TOGARAM1: variants seen among roughly 807,000 people sequenced by gnomAD.
TOGARAM1 encodes TOG array regulator of axonemal microtubules protein 1.
A neutral mutation model predicts 166.6 loss-of-function variants in TOGARAM1; 100 were observed. The observed-to-expected ratio is 0.60, with a 90% CI of 0.51 to 0.71. The LOEUF is 0.71. Ranked by LOEUF, TOGARAM1 falls within the 30% of genes least tolerant of loss-of-function variation. The pLI is 0.00. For synonymous variants in TOGARAM1, 758 were observed against 763.8 expected (o/e 0.99, Z 0.13); for missense variants, 2,029 against 2,102.7 (o/e 0.96, Z 0.69).
chr14:44,979,402 C>T (rs960408487), intron 1 of TOGARAM1, among the ~76,000 whole-genome samples: 26 of 152,188 alleles, frequency 1.7e-4, no homozygotes, highest in African/African-American at 6.3e-4. Flanking sequence ...AAGGGACAAA[C>T]AAGCTCCCAC....
intron 10 of TOGARAM1, among the ~76,000 whole-genome samples, chr14:45,029,924 C>T (rs1253741849): frequency 1.3e-5 from 2 of 152,212 alleles, no homozygotes; most frequent in East Asian, 1.9e-4. Context: ...TCGGTTCAAG[C>T]GATTCTTCTG....
Position 44,963,453 on chromosome 14 carries a change from C to T in TOGARAM1, c.1032C>T (p.Ser344=). The T allele has an allele frequency of 6.2e-7, 1 of 1,614,148 alleles. No homozygotes were observed. The highest frequency in any genetic ancestry group is 8.5e-7 in the Non-Finnish European group (1 of 1,180,030). ...CCTGTGCAGTGACTCTTTCCAACAG[C>T]AATCTTAAATTTGGGATTATTCCTC... ...PLPCAVTLSN[S]NLKFGIIPQE... is the part of the protein sequence containing the mutation. Residue 344 remains serine (S), a synonymous_variant, in exon 1 of 20, where the codon AGC becomes AGT. Coordinates refer to ENST00000361462, the MANE Select transcript of TOGARAM1 (RefSeq NM_001308120.2).
At chr14:44,990,096 T>A (rs1283578294) in intron 1 of TOGARAM1, among the ~76,000 whole-genome samples, 1 of 152,162 alleles carries the variant, frequency 6.6e-6, no homozygotes, top group Non-Finnish European at 1.5e-5. Flanking sequence ...ATTATGAGGA[T>A]TACAATTCAA....
chr14:45,025,930 C>T (rs1880814939), intron 8 of TOGARAM1, 58 bp downstream of exon 8: 1 of 860,592 alleles, frequency 1.2e-6, no homozygotes, highest in Non-Finnish European at 1.9e-6. Context: ...GAAGCAAAGC[C>T]TATCAATAAG....
At chr14:45,009,204 C>T in intron 6 of TOGARAM1, 59 bp downstream of exon 6, 2 of 1,232,172 alleles carry the variant, frequency 1.6e-6, no homozygotes, top group Non-Finnish European at 2.3e-6. Context: ...ATTTAGAGCC[C>T]TAATATCATA....
chr14:45,039,306 T>C (rs1282752474), intron 11 of TOGARAM1, among the ~76,000 whole-genome samples: 4 of 152,086 alleles, frequency 2.6e-5, no homozygotes, highest in African/African-American at 9.7e-5. Flanking sequence ...GATTGGTCCG[T>C]GGGCAGGCCT....
At chr14:45,003,252 T>G (rs866328062) in intron 3 of TOGARAM1, among the ~76,000 whole-genome samples, 4 of 152,130 alleles carry the variant, frequency 2.6e-5, no homozygotes, top group Non-Finnish European at 4.4e-5. Context: ...AATGTTTGCT[T>G]TATTAATATA....
Position 45,012,053 on chromosome 14 carries a change from T to C in TOGARAM1, c.3216T>C (p.Ile1072=). The change falls in exon 7 of 20, where the codon ATT becomes ATC. Residue 1072 remains isoleucine (I), a synonymous_variant. Coordinates refer to ENST00000361462, the MANE Select transcript of TOGARAM1 (RefSeq NM_001308120.2). ...CTGCAAAGAAAAAAATTTCTCATAT[T>C]GCTGAACAAAGCCCCAGTGCAGGTA... is the stretch of plus-strand genomic sequence containing the variant. The part of the protein sequence containing the change: ...LSSAKKKISH[I]AEQSPSAGSS... 1 of 1,609,932 alleles carries C rather than the reference T, an allele frequency of 6.2e-7. No individual in the cohort carries two copies. The highest frequency in any genetic ancestry group is 8.5e-7 in the Non-Finnish European group (1 of 1,178,274).
chr14:45,000,801 A>G (rs1384703416), intron 3 of TOGARAM1, among the ~76,000 whole-genome samples: 10 of 152,026 alleles, frequency 6.6e-5, no homozygotes, highest in East Asian at 3.9e-4. Context: ...CTGGAGTGCA[A>G]TGGCTCACTG....
rs1312443400 is a variant in TOGARAM1 at position 44,998,574 on chromosome 14, A to G, written c.2204-789A>G. Among the ~76,000 whole-genome samples the G allele has an allele frequency of 2.0e-5, 3 of 152,230 alleles. No homozygotes were observed. In the East Asian group the frequency reaches 5.8e-4, roughly 29 times the overall value. On this transcript the variant is annotated intron_variant, in intron 2 of 19. Coordinates refer to ENST00000361462, the MANE Select transcript of TOGARAM1 (RefSeq NM_001308120.2). ...CTGAGCTCAGGGAGGTCGAGGCTGC[A>G]GTGAGCCAAGTTTGCGCCACCGCAT...
At position 44,984,698 on chromosome 14, in the gene TOGARAM1, C is replaced by T. The variant is rs142879502; in HGVS notation, c.2047-11048C>T. On this transcript the variant is annotated intron_variant, in intron 1 of 19. Coordinates refer to ENST00000361462, the MANE Select transcript of TOGARAM1 (RefSeq NM_001308120.2). ...GCTGACGTAGAAGGATCGATAGAGC[C>T]CAGGAGTTCAGGTGTGCAGTGAGCT... Among the ~76,000 whole-genome samples the T allele has an allele frequency of 6.8e-3, 1,036 of 151,656 alleles. 10 individuals are homozygous for T. Among genetic ancestry groups the T allele is most frequent in the African/African-American group, 0.023 (961 of 41,382 alleles).
Position 45,027,342 on chromosome 14 carries a change from A to G in TOGARAM1, c.3372A>G (p.Gln1124=), listed in dbSNP as rs752310470. Residue 1124 remains glutamine (Q), a synonymous_variant, in exon 9 of 20, where the codon CAA becomes CAG. Transcript: ENST00000361462. ...GTTCAGCACCAGCAACCTGCAGCCA[A>G]TCAGTGATATCTTCTGTGGAAAATG... ...SLSSAPATCS[Q]SVISSVENGD... 1.2e-6 allele frequency: 2 copies of G among 1,613,448 alleles called. No individual in the cohort carries two copies. The highest frequency in any genetic ancestry group is 2.2e-5 in the East Asian group (1 of 44,812).
chr14:45,034,865 A>G (rs1196743942), intron 11 of TOGARAM1, among the ~76,000 whole-genome samples: 1 of 152,244 alleles, frequency 6.6e-6, no homozygotes, highest in Non-Finnish European at 1.5e-5. Flanking sequence ...AAATATAACC[A>G]ATAGTGAGAA....
chr14:45,036,124 T>TCC, intron 11 of TOGARAM1, among the ~76,000 whole-genome samples: 1 of 128,536 alleles, frequency 7.8e-6, no homozygotes, highest in East Asian at 2.1e-4. Flanking sequence ...AACAAGACCT[T>TCC]GTCTCTAAAA....
chr14:44,962,457 G>A lies in TOGARAM1; in HGVS notation c.36G>A (p.Pro12=). ...CCCCCTCCGCGCTGCTTCTGCTGCCGCCCTTTCCAGTCCTCTCTACCTATC... is the reference window on the plus strand; with the variant it reads ...CCCCCTCCGCGCTGCTTCTGCTGCCACCCTTTCCAGTCCTCTCTACCTATC... The part of the protein sequence containing the change: ...AAAPSALLLL[P]PFPVLSTYRL... Residue 12 remains proline, a synonymous_variant, in exon 1 of 20, where the codon CCG becomes CCA. Transcript: ENST00000361462. 6.3e-7 allele frequency: 1 copy of A among 1,585,546 alleles called. No homozygotes were observed. Among genetic ancestry groups the A allele is most frequent in the Non-Finnish European group, 8.6e-7 (1 of 1,166,230 alleles).
Position 44,963,095 on chromosome 14 carries a change from G to C in TOGARAM1, c.674G>C (p.Ser225Thr). 6.2e-7 allele frequency: 1 copy of C among 1,614,196 alleles called. No individual in the cohort carries two copies. Among genetic ancestry groups the C allele is most frequent in the Non-Finnish European group, 8.5e-7 (1 of 1,180,032 alleles). The change falls in exon 1 of 20, where the codon AGT (serine) becomes ACT (threonine). Residue 225 changes from serine (S) to threonine (T), a missense_variant. Physicochemically the swap from Ser to Thr is moderately conservative, Grantham distance 58 (BLOSUM62 1). Around this residue, in one of 2 missense-constraint regions of TOGARAM1, gnomAD observed 1,453 missense variants for 1,432.2 expected, o/e 1.01. Coordinates refer to ENST00000361462, the MANE Select transcript of TOGARAM1 (RefSeq NM_001308120.2). ...ACGCTTATACAACAAGGACTGGAAAGTACCGATGCCCGACTTAGAGCTTCC... is the reference window on the plus strand; with the variant it reads ...ACGCTTATACAACAAGGACTGGAAACTACCGATGCCCGACTTAGAGCTTCC... The part of the protein sequence containing the change: ...LRTLIQQGLE[S>T]TDARLRASTA...
At chr14:45,036,221 A>G (rs1392375657) in intron 11 of TOGARAM1, among the ~76,000 whole-genome samples, 1 of 151,462 alleles carries the variant, frequency 6.6e-6, no homozygotes, top group Admixed American at 6.6e-5. Context: ...ACATGGCAGT[A>G]TTGCTTTACC....
chr14:45,062,744 A>T (rs1265990106), intron 16 of TOGARAM1, among the ~76,000 whole-genome samples: 1 of 152,186 alleles, frequency 6.6e-6, no homozygotes, highest in Non-Finnish European at 1.5e-5. Flanking sequence ...CCAGTATAGG[A>T]TAATGTAAGT....
At chr14:45,031,420 G>A (rs1220584564) in intron 10 of TOGARAM1, among the ~76,000 whole-genome samples, 1 of 152,102 alleles carries the variant, frequency 6.6e-6, no homozygotes, top group Non-Finnish European at 1.5e-5. Context: ...TCTTATTATA[G>A]AGGAAACATC....
Sources: gnomAD v4.1 joint callset for allele counts (sites outside exome capture counted in the v4.1 genomes callset) on GRCh38, gnomAD v4.1.1 for gene constraint, gnomAD v4.1.1 regional missense constraint, MANE v1.5 for transcripts, NCBI Gene and HGNC (gene_info 2026-07-23, HGNC 2026-07-21) for gene names.